The following UGT1A6 variants were observed in gnomAD, a reference collection of about 807,000 sequenced individuals.
UGT1A6 encodes UDP glucuronosyltransferase family 1 member A6.
Under a neutral mutation model 44.4 loss-of-function variants are expected in UGT1A6, and 32 were observed. The observed-to-expected ratio is 0.72, with a 90% CI of 0.54 to 0.97. The LOEUF (loss-of-function observed/expected upper bound fraction) is 0.97. Ranked by LOEUF, UGT1A6 falls within the 50% of genes least tolerant of loss-of-function variation. The pLI, the probability that UGT1A6 is intolerant of heterozygous loss-of-function variation, is 0.00. For synonymous variants in UGT1A6, 238 were observed against 248.5 expected (o/e 0.96, Z 0.40); for missense variants, 685 against 661.9 (o/e 1.03, Z -0.38).
chr2:233,729,673 A>G (rs1282991761), intron 1 of UGT1A6: 1 of 1,613,898 alleles, frequency 6.2e-7, no homozygotes, highest in South Asian at 1.1e-5. Flanking sequence ...TTTAGACTTT[A>G]AGGGCACACA....
chr2:233,729,276 G>C (rs765243640), intron 1 of UGT1A6: 57 of 1,614,114 alleles, frequency 3.5e-5, no homozygotes, highest in African/African-American at 5.3e-5. Flanking sequence ...TCTTGCGGGA[G>C]CTCCATGCCA....
rs1367170822 is a variant in UGT1A6 at position 233,772,461 on chromosome 2, GT to G, written c.1502del (p.Val501GlyfsTer43). The G allele has an allele frequency of 6.2e-7, 1 of 1,614,184 alleles. No individual in the cohort carries two copies. Among genetic ancestry groups the G allele is most frequent in the Non-Finnish European group, 8.5e-7 (1 of 1,180,040 alleles). On this transcript the variant is annotated frameshift_variant, in exon 5 of 5. Coordinates refer to ENST00000305139, the MANE Select transcript of UGT1A6 (RefSeq NM_001072.4). LOFTEE classifies it high-confidence loss of function. The stretch of plus-strand genomic sequence containing the variant: ...TTTCCTCTTGGCCGTCGTGCTGACA[GT>G]GGCCTTCATCACCTTTAAATGTTGT... ...IGFLLAVVLT[V>X]AFITFKCCAY...
chr2:233,713,899 A>G, intron 1 of UGT1A6: 3 of 1,613,038 alleles, frequency 1.9e-6, no homozygotes, highest in Non-Finnish European at 2.5e-6. Flanking sequence ...TTCCAGGCAA[A>G]ACACTTTTTA....
rs1429104103 is a variant in UGT1A6 at position 233,718,118 on chromosome 2, CCAT to C, written c.861+24254_861+24256del. On this transcript the variant is annotated intron_variant, in intron 1 of 4. Transcript: ENST00000305139. ...GCTTTAGACAGCAGCACCTCTTATT[CCAT>C]GGTGTAGATGGAGAATCCTCAATAA... The C allele has an allele frequency of 1.3e-5, 4 of 305,056 alleles. No homozygotes were observed. In the East Asian group the frequency reaches 3.1e-4, roughly 23 times the overall value. The allele number at this position is 305,056 out of a possible 1,614,324, so 18.9% of individuals were successfully genotyped here. A position where few individuals can be genotyped will look rare whatever the true frequency, so the allele number is the denominator to read the frequency against.
intron 1 of UGT1A6, among the ~76,000 whole-genome samples, chr2:233,700,167 G>A (rs961586449): frequency 6.6e-6 from 1 of 152,190 alleles, no homozygotes; most frequent in African/African-American, 2.4e-5. Context: ...TACAAGGAAT[G>A]CTCATTCAGG....
intron 1 of UGT1A6, chr2:233,743,484 G>A (rs773869804): frequency 7.3e-7 from 1 of 1,367,080 alleles, no homozygotes; most frequent in Non-Finnish European, 9.8e-7. Flanking sequence ...GAAATTCACT[G>A]AAGGCAGAGA....
intron 1 of UGT1A6, chr2:233,722,202 A>C (rs1295907588): frequency 1.9e-5 from 3 of 154,218 alleles, no homozygotes; most frequent in Admixed American, 6.5e-5. Context: ...TACTGAGTGC[A>C]TGAAAGATCA....
chr2:233,698,030 A>AT (rs1256116302), intron 1 of UGT1A6, among the ~76,000 whole-genome samples: 4 of 152,048 alleles, frequency 2.6e-5, no homozygotes, highest in Admixed American at 6.6e-5. Context: ...CAATTATCTT[A>AT]TTTTTTCAAA....
At chr2:233,737,427 G>T (rs1289829376) in intron 1 of UGT1A6, among the ~76,000 whole-genome samples, 1 of 152,214 alleles carries the variant, frequency 6.6e-6, no homozygotes, top group Non-Finnish European at 1.5e-5. Flanking sequence ...ACAGTATTTG[G>T]GTGGGAGTGT....
chr2:233,743,626 G>T (rs1399385903), intron 1 of UGT1A6: 3 of 1,367,322 alleles, frequency 2.2e-6, no homozygotes, highest in Non-Finnish European at 2.9e-6. Flanking sequence ...TGAAGACGTC[G>T]GCTGGGTCGC....
Position 233,725,032 on chromosome 2 carries a change from C to T in UGT1A6, c.861+31167C>T, listed in dbSNP as rs1050826468. ...GCCAAACAGCAAAACCCGGTCTCCA[C>T]CAAAACCAGTCAGGCGTGGCGGCGC... On this transcript the variant is annotated intron_variant, in intron 1 of 4. Transcript: ENST00000305139. Among the ~76,000 whole-genome samples the T allele has an allele frequency of 4.4e-4, 66 of 148,404 alleles. 5 individuals are homozygous for T. Among genetic ancestry groups the T allele is most frequent in the Non-Finnish European group, 7.9e-4 (53 of 67,350 alleles).
At position 233,713,657 on chromosome 2, in the gene UGT1A6, C is replaced by T. The variant is rs763333257; in HGVS notation, c.861+19792C>T. 2.0e-5 allele frequency: 32 copies of T among 1,613,872 alleles called. No homozygotes were observed. In the South Asian group the frequency reaches 2.1e-4, roughly 11 times the overall value. ...TGCTCTACCCTCTGGCCCTGTCCTACCTTTGCCATGCTGTTTCTGCTCCTT... is the reference window on the plus strand; with the variant it reads ...TGCTCTACCCTCTGGCCCTGTCCTATCTTTGCCATGCTGTTTCTGCTCCTT... On this transcript the variant is annotated intron_variant, in intron 1 of 4. Transcript: ENST00000305139.
At chr2:233,718,734 T>C (rs2076679363) in intron 1 of UGT1A6, 3 of 1,611,626 alleles carry the variant, frequency 1.9e-6, no homozygotes, top group Non-Finnish European at 2.5e-6. Context: ...GCTAGGTGGC[T>C]CAATGACAAG....
rs987232905 is a variant in UGT1A6, at chr2:233,703,559, T to G, written c.861+9694T>G. Among the ~76,000 whole-genome samples the G allele has an allele frequency of 2.0e-5, 3 of 152,228 alleles. No individual in the cohort carries two copies. In the East Asian group the frequency reaches 5.8e-4, roughly 29 times the overall value. ...ATTTCCCACTTTATTGCTAGTAATA[T>G]TTTTTGTTTTAAGGTCTATATTATC... On this transcript the variant is annotated intron_variant, in intron 1 of 4. Transcript: ENST00000305139.
At position 233,759,745 on chromosome 2, in the gene UGT1A6, A is replaced by G. The variant is rs1303166455; in HGVS notation, c.862-7289A>G. Among the ~76,000 whole-genome samples the G allele has an allele frequency of 2.6e-5, 4 of 152,196 alleles. No homozygotes were observed. The East Asian group carries it at 7.7e-4, about 29-fold the overall frequency. ...CTCTGCTGCAGCCTCAAGACCCCAC[A>G]CTGTGCTGGACTCAATAAATATTGT... On this transcript the variant is annotated intron_variant, in intron 1 of 4. Transcript: ENST00000305139.
At chr2:233,748,096 T>A in intron 1 of UGT1A6, 1 of 1,612,812 alleles carries the variant, frequency 6.2e-7, no homozygotes, top group Non-Finnish European at 8.5e-7. Flanking sequence ...GTTCGTGCCT[T>A]CATCCAATCA....
At chr2:233,756,352 C>G (rs1022933251) in intron 1 of UGT1A6, 1 of 152,152 alleles carries the variant, frequency 6.6e-6, no homozygotes, top group African/African-American at 2.4e-5. Flanking sequence ...ATTACTTTTA[C>G]CTAATAAATG....
chr2:233,709,725 T>C (rs941884651), intron 1 of UGT1A6, among the ~76,000 whole-genome samples: 1 of 152,208 alleles, frequency 6.6e-6, no homozygotes, highest in Non-Finnish European at 1.5e-5. Context: ...TGATATGTTT[T>C]CAATTGATAC....
chr2:233,717,344 G>A (rs187624404), intron 1 of UGT1A6, among the ~76,000 whole-genome samples: 9 of 152,242 alleles, frequency 5.9e-5, no homozygotes, highest in Admixed American at 2.0e-4. Context: ...CCCAGAAATC[G>A]TCCTCCCCTG....
Sources: allele counts gnomAD v4.1 joint callset (sites outside exome capture counted in the v4.1 genomes callset), GRCh38; gene constraint gnomAD v4.1.1; transcripts MANE v1.5; gene names NCBI Gene and HGNC (gene_info 2026-07-23, HGNC 2026-07-21).